JARID2: variants seen among roughly 807,000 people sequenced by gnomAD.
JARID2 encodes protein Jumonji.
A neutral mutation model predicts 125.6 loss-of-function variants in JARID2; 21 were observed. That is an observed-to-expected ratio of 0.17 (90% CI 0.12 to 0.24). JARID2 has a LOEUF of 0.24. JARID2 is among the 10% of genes least tolerant of loss of function. The pLI, the probability that JARID2 is intolerant of heterozygous loss-of-function variation, is 1.00. For synonymous variants in JARID2, 736 were observed against 661.6 expected (o/e 1.11, Z -1.73); for missense variants, 1,303 against 1,639.6 (o/e 0.79, Z 3.55).
intron 17 of JARID2, among the ~76,000 whole-genome samples, chr6:15,518,949 C>T (rs1771695674): frequency 6.6e-6 from 1 of 152,194 alleles, no homozygotes; most frequent in Admixed American, 6.5e-5. Context: ...ACCTAGATTG[C>T]AAATCCCTGA....
chr6:15,440,941 A>C (rs751868540), intron 3 of JARID2, among the ~76,000 whole-genome samples: 1 of 152,208 alleles, frequency 6.6e-6, no homozygotes, highest in Non-Finnish European at 1.5e-5. Context: ...TTCACTCCGC[A>C]TTTTTGTTGG....
intron 6 of JARID2, among the ~76,000 whole-genome samples, chr6:15,490,502 A>C (rs750777367): frequency 8.5e-5 from 13 of 152,212 alleles, no homozygotes; most frequent in Non-Finnish European, 1.9e-4. Flanking sequence ...AGAACACACC[A>C]GTGCGTACTT....
chr6:15,270,549 C>T (rs536853605), intron 1 of JARID2, among the ~76,000 whole-genome samples: 41 of 152,284 alleles, frequency 2.7e-4, no homozygotes, highest in Non-Finnish European at 4.1e-4. Context: ...GTTATGATTG[C>T]GAGTCATGTC....
intron 2 of JARID2, among the ~76,000 whole-genome samples, chr6:15,378,756 C>CT (rs1386065821): frequency 2.0e-5 from 3 of 152,066 alleles, no homozygotes; most frequent in Non-Finnish European, 4.4e-5. Context: ...GTTTCTGGAT[C>CT]TTTGATTATT....
At chr6:15,440,112 C>T (rs912683511) in intron 3 of JARID2, among the ~76,000 whole-genome samples, 12 of 152,130 alleles carry the variant, frequency 7.9e-5, no homozygotes, top group Non-Finnish European at 1.2e-4. Context: ...TATTCTCGTC[C>T]GACCCTTTGA....
intron 1 of JARID2, among the ~76,000 whole-genome samples, chr6:15,342,816 A>G (rs1259729609): frequency 6.6e-6 from 1 of 152,160 alleles, no homozygotes; most frequent in African/African-American, 2.4e-5. Flanking sequence ...GTCGTTACTT[A>G]CCCATAATTT....
chr6:15,312,349 G>A (rs766537682), intron 1 of JARID2, among the ~76,000 whole-genome samples: 11 of 152,130 alleles, frequency 7.2e-5, no homozygotes, highest in African/African-American at 1.9e-4. Flanking sequence ...CACCATGCCC[G>A]GCCTCAGTTT....
chr6:15,390,160 T>C (rs1321031187), intron 2 of JARID2, among the ~76,000 whole-genome samples: 1 of 152,168 alleles, frequency 6.6e-6, no homozygotes, highest in Non-Finnish European at 1.5e-5. Flanking sequence ...TTTGATTTAT[T>C]CTCATATTTG....
intron 1 of JARID2, among the ~76,000 whole-genome samples, chr6:15,362,140 C>T (rs1043537990): frequency 2.8e-4 from 42 of 151,838 alleles, no homozygotes; most frequent in Non-Finnish European, 3.2e-4. Flanking sequence ...GCGCCCCCCC[C>T]GCCTCCCAAA....
At chr6:15,254,797 T>TCGAAGGCCGAGGTGAG (rs986826994) in intron 1 of JARID2, among the ~76,000 whole-genome samples, 2 of 152,102 alleles carry the variant, frequency 1.3e-5, no homozygotes, top group African/African-American at 4.8e-5. Context: ...CCCAGCACTT[T>TCGAAGGCCGAGGTGAG]CGAAGGCCGA....
intron 1 of JARID2, among the ~76,000 whole-genome samples, chr6:15,311,857 G>A (rs967651854): frequency 6.6e-6 from 1 of 151,314 alleles, no homozygotes; most frequent in African/African-American, 2.4e-5. Flanking sequence ...TTTTAACTAC[G>A]TGAAACTGGG....
intron 1 of JARID2, among the ~76,000 whole-genome samples, chr6:15,286,163 A>T (rs959981788): frequency 3.9e-5 from 6 of 152,186 alleles, no homozygotes; most frequent in African/African-American, 1.4e-4. Flanking sequence ...GTTAACAAGT[A>T]CAAACAACAG....
At chr6:15,310,211 C>T (rs904715555) in intron 1 of JARID2, among the ~76,000 whole-genome samples, 2 of 152,074 alleles carry the variant, frequency 1.3e-5, no homozygotes, top group African/African-American at 4.8e-5. Flanking sequence ...TAGAGCAAAA[C>T]AAGCATGTGA....
chr6:15,425,358 T>C (rs1024966717), intron 3 of JARID2, among the ~76,000 whole-genome samples: 2 of 152,208 alleles, frequency 1.3e-5, no homozygotes, highest in African/African-American at 4.8e-5. Context: ...ATGATTGATT[T>C]AAGCCTGTTT....
intron 2 of JARID2, chr6:15,400,819 C>T: frequency 7.9e-7 from 1 of 1,263,756 alleles, no homozygotes. Context: ...GGAATCTGCA[C>T]TGCCGCTTGC....
chr6:15,278,924 C>T (rs1326206834), intron 1 of JARID2, among the ~76,000 whole-genome samples: 1 of 152,050 alleles, frequency 6.6e-6, no homozygotes, highest in Non-Finnish European at 1.5e-5. Flanking sequence ...CAAAAATTAG[C>T]TGGGTGTGGT....
intron 4 of JARID2, among the ~76,000 whole-genome samples, chr6:15,460,134 T>G (rs944683092): frequency 2.6e-5 from 4 of 152,204 alleles, no homozygotes; most frequent in Non-Finnish European, 5.9e-5. Context: ...GTCAGTTACC[T>G]GTTTCATTTG....
intron 1 of JARID2, among the ~76,000 whole-genome samples, chr6:15,275,544 C>CCCCCCCCCCCCCCCCCG (rs1554118142): frequency 1.1e-5 from 1 of 94,606 alleles, no homozygotes; most frequent in Non-Finnish European, 2.3e-5. Flanking sequence ...CCCCCCCCCC[C>CCCCCCCCCCCCCCCCCG]GTCTTTTGCC....
At chr6:15,350,978 G>GTAC in intron 1 of JARID2, among the ~76,000 whole-genome samples, 1 of 150,252 alleles carries the variant, frequency 6.7e-6, no homozygotes, top group African/African-American at 2.4e-5. Context: ...CCACATCCTT[G>GTAC]TACTGAAAGA....
Sources: allele counts gnomAD v4.1 joint callset (sites outside exome capture counted in the v4.1 genomes callset), GRCh38; gene constraint gnomAD v4.1.1; transcripts MANE v1.5; gene names NCBI Gene and HGNC (gene_info 2026-07-23, HGNC 2026-07-21).